Variants in SYT1 observed in about 807,000 individuals in gnomAD.
The protein encoded by SYT1 is synaptotagmin 1.
In SYT1, 8 loss-of-function variants were observed where a neutral mutation model predicts 44.8. The ratio of observed to expected loss-of-function variants is 0.18; its 90% confidence interval spans 0.10 to 0.32. The LOEUF (loss-of-function observed/expected upper bound fraction) is 0.32. Among genes scored for constraint, SYT1 ranks in the 10% least tolerant of loss-of-function variants. The pLI is 1.00. For missense variants in SYT1, 286 were observed against 509.3 expected (o/e 0.56, Z 4.22); for synonymous variants, 154 against 188.8 (o/e 0.82, Z 1.51).
rs138649369 is a variant in SYT1, at chr12:79,100,530, C to A, written c.-18+53168C>A. On this transcript the variant is annotated intron_variant, in intron 3 of 10. Transcript: ENST00000261205. ...AAAGGATCTTACAAAACAATATAGACACAACTGTTTTGCAGTGAAAATATA... is the reference window on the plus strand; with the variant it reads ...AAAGGATCTTACAAAACAATATAGAAACAACTGTTTTGCAGTGAAAATATA... Among the ~76,000 whole-genome samples, 313 of 152,080 alleles carry A rather than the reference C, an allele frequency of 2.1e-3. 1 individual carries two copies. Among genetic ancestry groups the A allele is most frequent in the African/African-American group, 7.3e-3 (305 of 41,514 alleles).
intron 3 of SYT1, among the ~76,000 whole-genome samples, chr12:79,058,473 C>T (rs1483895410): frequency 6.6e-6 from 1 of 152,004 alleles, no homozygotes; most frequent in African/African-American, 2.4e-5. Context: ...TGCTGTTTCC[C>T]AACTGATATT....
chr12:78,932,051 C>T (rs978161991), intron 1 of SYT1, among the ~76,000 whole-genome samples: 1 of 152,198 alleles, frequency 6.6e-6, no homozygotes, highest in African/African-American at 2.4e-5. Context: ...AGCCACTTTC[C>T]TCTGCCACAA....
In SYT1 at chr12:79,228,528, C is replaced by A. The variant is rs1341318528; in HGVS notation, c.166+10843C>A. Reference sequence around the variant, plus strand: ...TCTCCTTTCTTCCTCTTCTTTCCTCCCCTTCTCCTTCACTGACTGGTCCTT... The same window carrying A: ...TCTCCTTTCTTCCTCTTCTTTCCTCACCTTCTCCTTCACTGACTGGTCCTT... On this transcript the variant is annotated intron_variant, in intron 4 of 10. Transcript: ENST00000261205. Among the ~76,000 whole-genome samples the A allele has an allele frequency of 4.6e-5, 7 of 152,192 alleles. 1 individual carries two copies. The Middle Eastern group carries it at 0.024, about 518-fold the overall frequency.
At chr12:79,063,362 G>T (rs1875526626) in intron 3 of SYT1, among the ~76,000 whole-genome samples, 1 of 152,168 alleles carries the variant, frequency 6.6e-6, no homozygotes. Context: ...ATAGTTGCCT[G>T]TAGCAAAAGC....
At chr12:79,333,018 TC>T (rs1231025753) in intron 8 of SYT1, among the ~76,000 whole-genome samples, 1 of 152,182 alleles carries the variant, frequency 6.6e-6, no homozygotes, top group African/African-American at 2.4e-5. Flanking sequence ...AAGTAAAGAA[TC>T]CTTACAATTC....
At chr12:79,055,020 C>G (rs1279539338) in intron 3 of SYT1, among the ~76,000 whole-genome samples, 1 of 151,952 alleles carries the variant, frequency 6.6e-6, no homozygotes, top group Non-Finnish European at 1.5e-5. Context: ...TAGCATAGTA[C>G]TGGCTTTGAA....
intron 9 of SYT1, among the ~76,000 whole-genome samples, chr12:79,418,873 G>T (rs565096851): frequency 6.6e-6 from 1 of 152,120 alleles, no homozygotes; most frequent in South Asian, 2.1e-4. Context: ...AATCACCTGG[G>T]AAGTGATATT....
At chr12:79,372,890 C>A (rs1311653271) in intron 9 of SYT1, among the ~76,000 whole-genome samples, 1 of 152,160 alleles carries the variant, frequency 6.6e-6, no homozygotes, top group Non-Finnish European at 1.5e-5. Flanking sequence ...GTGTGTTAGG[C>A]ACCTGAAATT....
intron 8 of SYT1, among the ~76,000 whole-genome samples, chr12:79,322,159 G>A (rs1881392835): frequency 6.6e-6 from 1 of 152,146 alleles, no homozygotes; most frequent in Non-Finnish European, 1.5e-5. Flanking sequence ...TCAGAACTGA[G>A]AACGAAAATG....
intron 3 of SYT1, among the ~76,000 whole-genome samples, chr12:79,119,282 T>C (rs1024019522): frequency 1.3e-5 from 2 of 152,208 alleles, no homozygotes; most frequent in East Asian, 3.9e-4. Flanking sequence ...TAGTAAACAA[T>C]GCAAGTATGC....
chr12:79,244,530 A>C (rs1187546153), intron 4 of SYT1, among the ~76,000 whole-genome samples: 2 of 151,912 alleles, frequency 1.3e-5, no homozygotes, highest in Non-Finnish European at 2.9e-5. Flanking sequence ...ACATGGTAAA[A>C]TCTGTCTCTA....
chr12:79,213,935 A>G (rs1874623740), intron 3 of SYT1, among the ~76,000 whole-genome samples: 1 of 152,218 alleles, frequency 6.6e-6, no homozygotes, highest in Non-Finnish European at 1.5e-5. Context: ...AAAATAAAAA[A>G]CAAAAAATGA....
chr12:79,090,978 T>C (rs1877736371), intron 3 of SYT1, among the ~76,000 whole-genome samples: 1 of 151,970 alleles, frequency 6.6e-6, no homozygotes, highest in Non-Finnish European at 1.5e-5. Context: ...TAGATTCAAA[T>C]AAAAGGACCT....
chr12:79,153,398 C>T (rs182423638), intron 3 of SYT1, among the ~76,000 whole-genome samples: 1 of 152,176 alleles, frequency 6.6e-6, no homozygotes, highest in East Asian at 1.9e-4. Context: ...AAACTCTGTT[C>T]TGTTTCACTA....
chr12:79,221,069 C>A (rs1393901735), intron 4 of SYT1, among the ~76,000 whole-genome samples: 1 of 152,046 alleles, frequency 6.6e-6, no homozygotes, highest in Non-Finnish European at 1.5e-5. Flanking sequence ...CCCTTCAGGT[C>A]TATTAATATT....
At chr12:79,166,031 G>T (rs1248980436) in intron 3 of SYT1, among the ~76,000 whole-genome samples, 1 of 151,778 alleles carries the variant, frequency 6.6e-6, no homozygotes, top group Non-Finnish European at 1.5e-5. Flanking sequence ...GCAAACCAAA[G>T]ACAATAATCA....
chr12:79,136,575 C>T (rs1592781630), intron 3 of SYT1, among the ~76,000 whole-genome samples: 1 of 152,226 alleles, frequency 6.6e-6, no homozygotes, highest in East Asian at 1.9e-4. Context: ...TAGCTTCTAA[C>T]AATATATAAT....
chr12:79,001,453 A>T (rs1410502286), intron 2 of SYT1, among the ~76,000 whole-genome samples: 1 of 152,164 alleles, frequency 6.6e-6, no homozygotes, highest in Non-Finnish European at 1.5e-5. Context: ...TAAAGAACAC[A>T]GTTCAAACAA....
At chr12:78,942,743 A>G (rs145008042) in intron 1 of SYT1, among the ~76,000 whole-genome samples, 209 of 152,346 alleles carry the variant, frequency 1.4e-3, no homozygotes, top group Non-Finnish European at 2.5e-3. Context: ...CGTATGAACA[A>G]CAGTTGTAAA....
Sources: allele counts gnomAD v4.1 joint callset (sites outside exome capture counted in the v4.1 genomes callset), GRCh38; gene constraint gnomAD v4.1.1; transcripts MANE v1.5; gene names NCBI Gene and HGNC (gene_info 2026-07-23, HGNC 2026-07-21).